CLN8: variants seen among roughly 807,000 people sequenced by gnomAD.
CLN8 encodes CLN8 transmembrane ER and ERGIC protein, also known as protein CLN8.
CLN8 carries 14 observed loss-of-function variants against 15.7 expected under a neutral mutation model. The observed-to-expected ratio is 0.89, with a 90% CI of 0.59 to 1.39. The LOEUF is 1.39. Among genes scored for constraint, CLN8 ranks in the 40% most tolerant of loss-of-function variants. The pLI, the probability that CLN8 is intolerant of heterozygous loss-of-function variation, is 0.00. For missense variants in CLN8, 415 were observed against 364.0 expected (o/e 1.14, Z -1.14); for synonymous variants, 188 against 151.0 (o/e 1.25, Z -1.80).
intron 2 of CLN8, among the ~76,000 whole-genome samples, chr8:1,776,105 G>C (rs1380394370): frequency 1.3e-5 from 2 of 152,276 alleles, no homozygotes; most frequent in East Asian, 3.9e-4. Flanking sequence ...GATGACAGAA[G>C]ATTCTGGAAG....
intron 1 of CLN8, among the ~76,000 whole-genome samples, chr8:1,756,739 A>G (rs952734097): frequency 6.7e-6 from 1 of 148,322 alleles, no homozygotes; most frequent in Admixed American, 6.7e-5. Flanking sequence ...CTGGAGTGCA[A>G]TGGCATGATC....
At chr8:1,754,061 C>G (rs1338705494), upstream of CLN8, among the ~76,000 whole-genome samples, 1 of 152,130 alleles carries the variant, frequency 6.6e-6, no homozygotes, top group African/African-American at 2.4e-5. Flanking sequence ...ATAACTCAGT[C>G]TTCCTGTGCC....
At chr8:1,772,062 A>G (rs1181897750) in intron 2 of CLN8, among the ~76,000 whole-genome samples, 3 of 151,780 alleles carry the variant, frequency 2.0e-5, no homozygotes, top group African/African-American at 4.8e-5. Context: ...CAGCCTCCCT[A>G]GTAGCTAGGA....
chr8:1,768,751 C>G (rs1020223758), intron 1 of CLN8, among the ~76,000 whole-genome samples: 5 of 152,166 alleles, frequency 3.3e-5, no homozygotes, highest in Admixed American at 3.3e-4. Flanking sequence ...TTGATCTGCT[C>G]CTGTGAAGTG....
At chr8:1,760,596 C>G (rs1357201040), upstream of CLN8, 1 of 152,200 alleles carries the variant, frequency 6.6e-6, no homozygotes, top group Non-Finnish European at 1.5e-5. Flanking sequence ...GAAGAGCTTA[C>G]TAGCCACGTG....
In CLN8 at chr8:1,783,587, G is replaced by C. The variant is rs1269173923; in HGVS notation, c.*3020G>C. 35 of 152,006 alleles carry C rather than the reference G, an allele frequency of 2.3e-4. No homozygotes were observed. Among genetic ancestry groups the C allele is most frequent in the Admixed American group, 2.3e-3 (35 of 15,230 alleles). The allele number at this position is 152,006 out of a possible 1,614,324, so 9.4% of individuals were successfully genotyped here. A position where few individuals can be genotyped will look rare whatever the true frequency, so the allele number is the denominator to read the frequency against. ...GGGAGGTTGAGTGACTGAAGACCAA[G>C]GGTTGGTGCAGCCTCCTCGCCGCGC... is the stretch of plus-strand genomic sequence containing the variant. On this transcript the variant is annotated 3_prime_UTR_variant, in exon 3 of 3. Transcript: ENST00000331222.
intron 2 of CLN8, among the ~76,000 whole-genome samples, chr8:1,772,233 G>C (rs929228060): frequency 6.6e-6 from 1 of 152,058 alleles, no homozygotes; most frequent in Non-Finnish European, 1.5e-5. Flanking sequence ...ACCGTGCCTG[G>C]CCTCTTTTAA....
upstream of CLN8, among the ~76,000 whole-genome samples, chr8:1,754,556 T>G (rs571028328): frequency 1.1e-4 from 17 of 152,232 alleles, no homozygotes; most frequent in Non-Finnish European, 1.8e-4. Context: ...ACGGATATTT[T>G]CAGAACTTGA....
upstream of CLN8, chr8:1,763,701 G>A (rs565506859): frequency 2.6e-3 from 334 of 129,470 alleles, 5 homozygotes; most frequent in African/African-American, 9.2e-3. Context: ...GCCTAGGCGG[G>A]GCCTCTCGTA....
rs1338623789 is a variant in CLN8 at position 1,782,243 on chromosome 8, C to G, written c.*1676C>G. On this transcript the variant is annotated 3_prime_UTR_variant, in exon 3 of 3. Transcript: ENST00000331222. Reference sequence around the variant, plus strand: ...CACTGCAACCTCCACCTCCCGGGTTCCAGGGATTCTCCTGCCTCACCCTTT... The same window carrying G: ...CACTGCAACCTCCACCTCCCGGGTTGCAGGGATTCTCCTGCCTCACCCTTT... The G allele has an allele frequency of 6.6e-6, 1 of 152,112 alleles. No homozygotes were observed. Among genetic ancestry groups the G allele is most frequent in the Non-Finnish European group, 1.5e-5 (1 of 68,050 alleles). The allele number at this position is 152,112 out of a possible 1,614,324, so 9.4% of individuals were successfully genotyped here.
chr8:1,771,410 T>C lies in CLN8; in HGVS notation c.356T>C (p.Val119Ala). The change falls in exon 2 of 3, where the codon GTT becomes GCT. Residue 119 changes from valine (V) to alanine (A), a missense_variant. By Grantham distance (64) the Val-to-Ala change is moderately conservative (BLOSUM62 0). Transcript: ENST00000331222. The part of the protein sequence containing the change: ...TATGFFCFEN[V>A]AVHLSNLIFR... Reference sequence around the variant, plus strand: ...ACGGGATTCTTTTGCTTTGAAAATGTTGCAGTCCACCTGTCCAACTTGATC... The same window carrying C: ...ACGGGATTCTTTTGCTTTGAAAATGCTGCAGTCCACCTGTCCAACTTGATC... The C allele has an allele frequency of 6.2e-7, 1 of 1,614,230 alleles. No homozygotes were observed. Among genetic ancestry groups the C allele is most frequent in the Non-Finnish European group, 8.5e-7 (1 of 1,180,034 alleles).
intron 1 of CLN8, among the ~76,000 whole-genome samples, chr8:1,770,646 G>T (rs368258477): frequency 6.6e-6 from 1 of 152,148 alleles, no homozygotes; most frequent in African/African-American, 2.4e-5. Flanking sequence ...CTGTGAAGGC[G>T]GGAGACTTGC....
intron 1 of CLN8, among the ~76,000 whole-genome samples, chr8:1,770,221 T>C (rs1470754142): frequency 2.0e-5 from 3 of 152,098 alleles, no homozygotes; most frequent in Admixed American, 6.5e-5. Context: ...ACAGGTAAGA[T>C]GATGCCAACT....
At chr8:1,760,955 A>G (rs1382079693), upstream of CLN8, among the ~76,000 whole-genome samples, 1 of 152,048 alleles carries the variant, frequency 6.6e-6, no homozygotes, top group African/African-American at 2.4e-5. Context: ...GTGGATGTAA[A>G]TAACGTTATC....
upstream of CLN8, chr8:1,762,729 T>C (rs1800830334): frequency 6.6e-6 from 1 of 152,192 alleles, no homozygotes. Context: ...AAGGCAGTTA[T>C]CTTCATAGTA....
chr8:1,755,983 C>A (rs1189135342), exon 1 of CLN8: 2 of 152,166 alleles, frequency 1.3e-5, no homozygotes, highest in Non-Finnish European at 2.9e-5. Flanking sequence ...AAGTACTGTT[C>A]TTGGTTTCTG....
At chr8:1,762,997 G>A (rs149262569), upstream of CLN8, 835 of 152,360 alleles carry the variant, frequency 5.5e-3, 10 homozygotes, top group African/African-American at 0.019. Context: ...TTAGAGAGAA[G>A]AAACATAAGT....
At chr8:1,767,489 G>A (rs929204006) in intron 1 of CLN8, among the ~76,000 whole-genome samples, 2 of 151,718 alleles carry the variant, frequency 1.3e-5, no homozygotes, top group African/African-American at 4.8e-5. Flanking sequence ...TGCTCTTATG[G>A]TGAAGATCAC....
At chr8:1,766,719 G>C (rs746945551) in intron 1 of CLN8, among the ~76,000 whole-genome samples, 1 of 152,186 alleles carries the variant, frequency 6.6e-6, no homozygotes. Flanking sequence ...ACCCATGGAA[G>C]GAACAGTGAC....
Sources: allele counts gnomAD v4.1 joint callset (sites outside exome capture counted in the v4.1 genomes callset), GRCh38; gene constraint gnomAD v4.1.1; transcripts MANE v1.5; gene names NCBI Gene and HGNC (gene_info 2026-07-23, HGNC 2026-07-21).